The following FN3KRP variants were observed in gnomAD, a reference collection of about 807,000 sequenced individuals.
FN3KRP encodes ketosamine-3-kinase.
In FN3KRP, 33 loss-of-function variants were observed where a neutral mutation model predicts 29.8. The ratio of observed to expected loss-of-function variants is 1.11; its 90% CI spans 0.84 to 1.48. FN3KRP has a LOEUF of 1.48. FN3KRP is among the 40% of genes most tolerant of loss of function. The probability of loss-of-function intolerance (pLI) is 0.00; values close to 1 mark genes in which losing one functional copy is unlikely to be tolerated. For synonymous variants in FN3KRP, 157 were observed against 155.2 expected (o/e 1.01, Z -0.09); for missense variants, 430 against 402.6 (o/e 1.07, Z -0.58).
At position 82,727,536 on chromosome 17, in the gene FN3KRP, ATAGGT is replaced by A. The variant is rs1386377460; in HGVS notation, c.*366_*370del. On this transcript the variant is annotated 3_prime_UTR_variant, in exon 6 of 6. Transcript: ENST00000269373. Reference sequence around the variant, plus strand: ...CCAGCGCCCCCGGGCACTGCTGCTCATAGGTACCTTTCCACTGCCTCCTCCCTGCT... The same window carrying A: ...CCAGCGCCCCCGGGCACTGCTGCTCAACCTTTCCACTGCCTCCTCCCTGCT... The A allele has an allele frequency of 4.9e-6, 1 of 204,668 alleles. No individual in the cohort carries two copies. Among genetic ancestry groups the A allele is most frequent in the African/African-American group, 2.3e-5 (1 of 43,480 alleles). The allele number at this position is 204,668 out of a possible 1,614,324, so 12.7% of individuals were successfully genotyped here. A position where few individuals can be genotyped will look rare whatever the true frequency, so the allele number is the denominator to read the frequency against.
rs939258008 is a variant in FN3KRP, at chr17:82,726,885, A to C, written c.644A>C (p.His215Pro). The C allele has an allele frequency of 1.3e-6, 2 of 1,585,566 alleles. No homozygotes were observed. Among genetic ancestry groups the C allele is most frequent in the African/African-American group, 1.4e-5 (1 of 73,750 alleles). The change falls in exon 6 of 6, where the codon CAC becomes CCC. Residue 215 changes from histidine (H) to proline (P), a missense_variant. Transcript: ENST00000269373. ...RDLEIIPALL[H>P]GDLWGGNVAE... is the part of the protein sequence containing the mutation. The stretch of plus-strand genomic sequence containing the variant: ...CTGGAGATCATCCCAGCCTTACTCC[A>C]CGGGGACCTCTGGGGTGGAAACGTA...
intron 1 of FN3KRP, chr17:82,718,609 A>C: frequency 5.3e-6 from 6 of 1,134,820 alleles, no homozygotes; most frequent in Non-Finnish European, 6.5e-6. Context: ...GCCGGATCTT[A>C]GTGGAATATT....
At chr17:82,717,394 A>G (rs955565979) in intron 1 of FN3KRP, among the ~76,000 whole-genome samples, 2 of 152,028 alleles carry the variant, frequency 1.3e-5, no homozygotes, top group African/African-American at 4.8e-5. Flanking sequence ...GCTGCGCCTC[A>G]CCACACCCTG....
chr17:82,722,827 C>T lies in FN3KRP; in HGVS notation c.409C>T (p.Arg137Trp), dbSNP rs372059941. The change falls in exon 4 of 6, where the codon CGG (arginine) becomes TGG (tryptophan). Residue 137 changes from arginine (R) to tryptophan (W), a missense_variant. Arg to Trp is a moderately radical substitution (Grantham distance 101). Coordinates refer to ENST00000269373, the MANE Select transcript of FN3KRP (RefSeq NM_024619.4). ...TVGRGGGQEERPFVARFGFDV... is the reference protein window; with the variant it reads ...TVGRGGGQEEWPFVARFGFDV... ...AGGGAGAGGAGGTGGGCAGGAGGAA[C>T]GGCCCTTTGTGGCCCGGTTTGGATT... 41 of 1,613,876 alleles carry T rather than the reference C, an allele frequency of 2.5e-5. 1 individual carries two copies. The highest frequency in any genetic ancestry group is 1.2e-4 in the Admixed American group (7 of 59,994).
At chr17:82,719,938 G>A (rs2143608347) in intron 2 of FN3KRP, among the ~76,000 whole-genome samples, 1 of 152,316 alleles carries the variant, frequency 6.6e-6, no homozygotes, top group African/African-American at 2.4e-5. Context: ...GCCAAGGTGG[G>A]CGGATGACTT....
At position 82,725,662 on chromosome 17, in the gene FN3KRP, C is replaced by T. The variant is rs188724300; in HGVS notation, c.469-818C>T. Among the ~76,000 whole-genome samples, 8 of 152,264 alleles carry T rather than the reference C, an allele frequency of 5.3e-5. No individual in the cohort carries two copies. The East Asian group carries it at 1.4e-3, about 26-fold the overall frequency. ...GCATGAGCCACCACACCTGGCCCCC[C>T]TTTCAAAATTTTAAATGGACTTATG... On this transcript the variant is annotated intron_variant, in intron 4 of 5. Coordinates refer to ENST00000269373, the MANE Select transcript of FN3KRP (RefSeq NM_024619.4).
chr17:82,717,174 C>T lies in FN3KRP; in HGVS notation c.141+278C>T, dbSNP rs564627992. Among the ~76,000 whole-genome samples, 14 of 152,246 alleles carry T rather than the reference C, an allele frequency of 9.2e-5. No individual in the cohort carries two copies. In the South Asian group the frequency reaches 2.3e-3, roughly 25 times the overall value. On this transcript the variant is annotated intron_variant, in intron 1 of 5. Transcript: ENST00000269373. ...ACACCTCCTGTTCTCCGTGAACTTTCTCTCGGGGGCGCTACGTGAAATGGG... is the reference window on the plus strand; with the variant it reads ...ACACCTCCTGTTCTCCGTGAACTTTTTCTCGGGGGCGCTACGTGAAATGGG...
chr17:82,726,779 G>A lies in FN3KRP; in HGVS notation c.592-54G>A, dbSNP rs190471570. The A allele has an allele frequency of 4.1e-5, 61 of 1,497,506 alleles. No homozygotes were observed. In the East Asian group the frequency reaches 4.8e-4, roughly 12 times the overall value. 92.8% of individuals were successfully genotyped at this position (1,497,506 alleles called of 1,614,324 possible). A position where few individuals can be genotyped will look rare whatever the true frequency, so the allele number is the denominator to read the frequency against. ...GGGGGCGGTGGGGACCTGGAGCGGC[G>A]CCCCTCATGCACGCGTTGATCAATT... On this transcript the variant is annotated intron_variant, in intron 5 of 5. Coordinates refer to ENST00000269373, the MANE Select transcript of FN3KRP (RefSeq NM_024619.4).
intron 5 of FN3KRP, 51 bp from the exon 6 acceptor site, chr17:82,726,782 C>T (rs1480069097): frequency 1.1e-5 from 16 of 1,505,028 alleles, no homozygotes; most frequent in Non-Finnish European, 1.4e-5. Flanking sequence ...GAGCGGCGCC[C>T]CTCATGCACG....
intron 1 of FN3KRP, chr17:82,718,629 G>C (rs1011364058): frequency 8.4e-7 from 1 of 1,189,910 alleles, no homozygotes; most frequent in African/African-American, 1.5e-5. Context: ...TAGTGCCTTC[G>C]ATTTTCCTCT....
Position 82,727,082 on chromosome 17 carries a change from C to T in FN3KRP, c.841C>T (p.Gln281Ter). Residue 281 changes from glutamine (Q) to a stop codon, truncating the protein, a stop_gained, in exon 6 of 6, where the codon CAG becomes TAG. Transcript: ENST00000269373. LOFTEE classifies it high-confidence loss of function. ...ATTCGAGAAGCGCCTTCAGTTGTAT[C>T]AGCTCTTTCACTACTTGAACCACTG... ...PGFEKRLQLY[Q>*]LFHYLNHWNH... The T allele has an allele frequency of 6.2e-7, 1 of 1,614,168 alleles. No homozygotes were observed. Among genetic ancestry groups the T allele is most frequent in the Non-Finnish European group, 8.5e-7 (1 of 1,180,044 alleles).
At chr17:82,721,565 T>TGC (rs2046798416) in intron 3 of FN3KRP, among the ~76,000 whole-genome samples, 1 of 150,732 alleles carries the variant, frequency 6.6e-6, no homozygotes, top group Admixed American at 6.6e-5. Context: ...TGCAGTGGCA[T>TGC]GATCTCTGCT....
Position 82,724,386 on chromosome 17 carries a change from AC to A in FN3KRP, c.468+1501del, listed in dbSNP as rs542933268. On this transcript the variant is annotated intron_variant, in intron 4 of 5. Coordinates refer to ENST00000269373, the MANE Select transcript of FN3KRP (RefSeq NM_024619.4). ...TTTGGGAGGCCGAGGCGGGCAGATC[AC>A]GTGAGGTAGAGTTTGAGACCAGCCT... is the stretch of plus-strand genomic sequence containing the variant. Among the ~76,000 whole-genome samples, 17 of 152,036 alleles carry A rather than the reference AC, an allele frequency of 1.1e-4. No individual in the cohort carries two copies. In the East Asian group the frequency reaches 3.1e-3, roughly 28 times the overall value.
rs1334417602 is a variant in FN3KRP at position 82,726,875 on chromosome 17, G to A, written c.634G>A (p.Ala212Thr). 6.3e-7 allele frequency: 1 copy of A among 1,575,780 alleles called. No homozygotes were observed. Among genetic ancestry groups the A allele is most frequent in the Non-Finnish European group, 8.6e-7 (1 of 1,161,256 alleles). ...GTTCCGTGACCTGGAGATCATCCCA[G>A]CCTTACTCCACGGGGACCTCTGGGG... The part of the protein sequence containing the change: ...DLFRDLEIIP[A>T]LLHGDLWGGN... The change falls in exon 6 of 6, where the codon GCC becomes ACC. Residue 212 changes from alanine (A) to threonine (T), a missense_variant. Coordinates refer to ENST00000269373, the MANE Select transcript of FN3KRP (RefSeq NM_024619.4).
Position 82,716,853 on chromosome 17 carries a change from C to G in FN3KRP, c.98C>G (p.Thr33Arg), listed in dbSNP as rs1028045197. 1 of 1,562,254 alleles carries G rather than the reference C, an allele frequency of 6.4e-7. No individual in the cohort carries two copies. The highest frequency in any genetic ancestry group is 1.4e-5 in the African/African-American group (1 of 70,374). Residue 33 changes from threonine (T) to arginine (R), a missense_variant, in exon 1 of 6, where the codon ACG becomes AGG. Coordinates refer to ENST00000269373, the MANE Select transcript of FN3KRP (RefSeq NM_024619.4). ...ATCAGCCAGGGCCGGAGCTACGACA[C>G]GGATCAAGGACGAGTGTTCGTGAAA... ...GCISQGRSYD[T>R]DQGRVFVKVN...
chr17:82,725,710 T>C (rs2046832045), intron 4 of FN3KRP, among the ~76,000 whole-genome samples: 1 of 152,222 alleles, frequency 6.6e-6, no homozygotes, highest in Admixed American at 6.5e-5. Flanking sequence ...AATTATCCTT[T>C]AGGATTTATT....
chr17:82,720,263 A>AT lies in FN3KRP; in HGVS notation c.294-6dup. On this transcript the variant is annotated splice_polypyrimidine_tract_variant and intron_variant, in intron 2 of 5. Transcript: ENST00000269373. Reference sequence around the variant, plus strand: ...TCATCTGTTTAGTTGCTGTCGTTTGATTTGACAGTCATGCTGCAAAGCTTG... The same window carrying AT: ...TCATCTGTTTAGTTGCTGTCGTTTGATTTTGACAGTCATGCTGCAAAGCTTG... 1 of 1,612,822 alleles carries AT rather than the reference A, an allele frequency of 6.2e-7. No homozygotes were observed. Among genetic ancestry groups the AT allele is most frequent in the Non-Finnish European group, 8.5e-7 (1 of 1,178,984 alleles).
rs987460815 is a variant in FN3KRP, at chr17:82,726,968, G to T, written c.727G>T (p.Glu243Ter). ...FDPASFYGHSEYELAIAGMFG... is the reference protein window; with the variant it reads ...FDPASFYGHS ...CCCAGCTTCTTTCTACGGCCACTCG[G>T]AATATGAGCTGGCAATAGCTGGCAT... Residue 243 changes from glutamate to a stop codon, truncating the protein, a stop_gained, in exon 6 of 6, where the codon GAA becomes TAA. Coordinates refer to ENST00000269373, the MANE Select transcript of FN3KRP (RefSeq NM_024619.4). LOFTEE classifies it high-confidence loss of function. 4.3e-6 allele frequency: 7 copies of T among 1,613,958 alleles called. No individual in the cohort carries two copies. In the African/African-American group the frequency reaches 8.0e-5, roughly 18 times the overall value.
intron 3 of FN3KRP, among the ~76,000 whole-genome samples, chr17:82,722,354 C>T (rs574429981): frequency 6.6e-6 from 1 of 152,342 alleles, no homozygotes; most frequent in African/African-American, 2.4e-5. Flanking sequence ...AGGCTGGTCT[C>T]GAACTGCTGA....
Sources: allele counts gnomAD v4.1 joint callset (sites outside exome capture counted in the v4.1 genomes callset), GRCh38; gene constraint gnomAD v4.1.1; transcripts MANE v1.5; gene names NCBI Gene and HGNC (gene_info 2026-07-23, HGNC 2026-07-21).